PEBP4: variants seen among roughly 807,000 people sequenced by gnomAD.
PEBP4 encodes the protein phosphatidylethanolamine binding protein 4.
Under a neutral mutation model 23.9 loss-of-function variants are expected in PEBP4, and 22 were observed. That is an observed-to-expected ratio of 0.92 (90% CI 0.66 to 1.31). PEBP4 has a LOEUF of 1.31. Among genes scored for constraint, PEBP4 ranks in the 40% most tolerant of loss-of-function variants. The probability of loss-of-function intolerance (pLI) is 0.00; values close to 1 mark genes in which losing one functional copy is unlikely to be tolerated. For missense variants in PEBP4, 324 were observed against 281.7 expected, an observed-to-expected ratio of 1.15 and a Z score of -1.07; for synonymous variants, 112 against 99.3, an observed-to-expected ratio of 1.13 and a Z score of -0.76.
intron 3 of PEBP4, among the ~76,000 whole-genome samples, chr8:22,821,761 G>A (rs768943369): frequency 1.3e-5 from 2 of 151,936 alleles, no homozygotes; most frequent in East Asian, 1.9e-4. Flanking sequence ...TGAGGTGGAC[G>A]GATCATGAGG....
chr8:22,904,131 C>G (rs192672159), intron 3 of PEBP4, among the ~76,000 whole-genome samples: 3 of 152,202 alleles, frequency 2.0e-5, no homozygotes, highest in African/African-American at 7.2e-5. Flanking sequence ...AAATACTCCA[C>G]GGAGGCTGGG....
At chr8:22,810,665 G>A (rs543175649) in intron 4 of PEBP4, among the ~76,000 whole-genome samples, 8 of 134,986 alleles carry the variant, frequency 5.9e-5, no homozygotes, top group Non-Finnish European at 1.1e-4. Flanking sequence ...GTGTCTCATG[G>A]AGGGGTGTGT....
upstream of PEBP4, among the ~76,000 whole-genome samples, chr8:22,928,918 C>T (rs1010760131): frequency 4.6e-5 from 7 of 152,228 alleles, no homozygotes; most frequent in East Asian, 9.6e-4. Context: ...GGCTCAATTC[C>T]TGCCTCCAGG....
intron 4 of PEBP4, among the ~76,000 whole-genome samples, chr8:22,790,303 G>A (rs1040362788): frequency 6.6e-6 from 1 of 152,198 alleles, no homozygotes; most frequent in African/African-American, 2.4e-5. Context: ...CAGAGTGGGG[G>A]CAGAGACCCT....
intron 3 of PEBP4, among the ~76,000 whole-genome samples, chr8:22,901,828 T>G (rs568413819): frequency 2.0e-5 from 3 of 152,226 alleles, no homozygotes; most frequent in Non-Finnish European, 4.4e-5. Context: ...TAACAAAGGT[T>G]AAATCATGTT....
chr8:22,886,522 C>T (rs1808379492), intron 3 of PEBP4: 3 of 152,334 alleles, frequency 2.0e-5, no homozygotes, highest in East Asian at 1.9e-4. Flanking sequence ...CAGCACATGT[C>T]AAGTCCAGGT....
rs759012783 is a variant in PEBP4 at position 22,786,500 on chromosome 8, T to C, written c.357+31137A>G. On this transcript the variant is annotated intron_variant, in intron 4 of 6. Transcript: ENST00000256404. ...GGCCTTGCCATGTTGCCCAGGCTGG[T>C]CTCGAGCTCCTAGCCTCAAGCAATG... Among the ~76,000 whole-genome samples the C allele has an allele frequency of 3.9e-5, 6 of 152,160 alleles. No individual in the cohort carries two copies. In the East Asian group the frequency reaches 1.2e-3, roughly 29 times the overall value.
chr8:22,724,299 T>C (rs558125520), intron 6 of PEBP4, among the ~76,000 whole-genome samples: 2 of 151,932 alleles, frequency 1.3e-5, no homozygotes, highest in East Asian at 1.9e-4. Flanking sequence ...TAGGAGGCTA[T>C]AGGGAGTTGG....
At chr8:22,912,018 G>A (rs146071474) in intron 3 of PEBP4, among the ~76,000 whole-genome samples, 223 of 152,244 alleles carry the variant, frequency 1.5e-3, no homozygotes, top group Middle Eastern at 3.4e-3. Flanking sequence ...TATCGGACTG[G>A]GGGTGGCGGA....
At chr8:22,862,655 A>G (rs922489211) in intron 3 of PEBP4, among the ~76,000 whole-genome samples, 2 of 152,184 alleles carry the variant, frequency 1.3e-5, no homozygotes, top group African/African-American at 4.8e-5. Context: ...GCTTCAAAGG[A>G]TTCTCATATA....
chr8:22,803,703 C>T (rs887472003), intron 4 of PEBP4, among the ~76,000 whole-genome samples: 27 of 152,100 alleles, frequency 1.8e-4, no homozygotes, highest in African/African-American at 6.3e-4. Flanking sequence ...TAAAAGGCAT[C>T]TCTGAGTGAA....
chr8:22,756,442 C>T (rs1379738089), intron 4 of PEBP4, among the ~76,000 whole-genome samples: 1 of 152,214 alleles, frequency 6.6e-6, no homozygotes, highest in African/African-American at 2.4e-5. Flanking sequence ...ACAGTCTCGG[C>T]CAGTTGTGGC....
At chr8:22,853,303 A>G (rs1037839983) in intron 3 of PEBP4, among the ~76,000 whole-genome samples, 2 of 152,232 alleles carry the variant, frequency 1.3e-5, no homozygotes, top group African/African-American at 4.8e-5. Context: ...ACACCCTGCA[A>G]GACCACCTGT....
chr8:22,781,772 G>A (rs544405642), intron 4 of PEBP4, among the ~76,000 whole-genome samples: 27 of 152,330 alleles, frequency 1.8e-4, no homozygotes, highest in African/African-American at 6.5e-4. Flanking sequence ...CAGGCTCAGG[G>A]ACCCCAGCTC....
At chr8:22,715,162 G>C (rs1229475078) in intron 6 of PEBP4, among the ~76,000 whole-genome samples, 2 of 152,306 alleles carry the variant, frequency 1.3e-5, no homozygotes, top group South Asian at 2.1e-4. Context: ...TGGGGCCCAG[G>C]GGGGCTGGAA....
At chr8:22,731,590 G>A (rs1804732377) in intron 4 of PEBP4, among the ~76,000 whole-genome samples, 2 of 146,668 alleles carry the variant, frequency 1.4e-5, no homozygotes, top group South Asian at 4.5e-4. Flanking sequence ...ACTTTGTTGG[G>A]GGTGGCACCC....
chr8:22,878,459 G>A (rs1808175943), intron 3 of PEBP4, among the ~76,000 whole-genome samples: 1 of 152,190 alleles, frequency 6.6e-6, no homozygotes, highest in Non-Finnish European at 1.5e-5. Flanking sequence ...GTTTCCAAGT[G>A]GTGCTTTCTC....
chr8:22,787,779 T>G (rs916045676), intron 4 of PEBP4, among the ~76,000 whole-genome samples: 4 of 152,086 alleles, frequency 2.6e-5, no homozygotes, highest in African/African-American at 9.7e-5. Flanking sequence ...TGATGGGGAA[T>G]GTGGGAGTTT....
chr8:22,819,287 G>A (rs1210587248), intron 3 of PEBP4, among the ~76,000 whole-genome samples: 1 of 152,192 alleles, frequency 6.6e-6, no homozygotes, highest in Non-Finnish European at 1.5e-5. Flanking sequence ...GATAGAAAGT[G>A]TCTCCAGGAA....
Sources: gnomAD v4.1 joint callset for allele counts (sites outside exome capture counted in the v4.1 genomes callset) on GRCh38, gnomAD v4.1.1 for gene constraint, MANE v1.5 for transcripts, NCBI Gene and HGNC (gene_info 2026-07-23, HGNC 2026-07-21) for gene names.